DCLK1: variants seen among roughly 807,000 people sequenced by gnomAD.
DCLK1 encodes the protein doublecortin like kinase 1, also known as serine/threonine-protein kinase DCLK1.
In DCLK1, 16 loss-of-function variants were observed where a neutral mutation model predicts 86.2. The ratio of observed to expected loss-of-function variants is 0.19; its 90% confidence interval spans 0.13 to 0.28. The LOEUF is 0.28. Among genes scored for constraint, DCLK1 ranks in the 10% least tolerant of loss-of-function variants. The pLI is 1.00. For missense variants in DCLK1, 590 were observed against 940.2 expected, an observed-to-expected ratio of 0.63 and a Z score of 4.87; for synonymous variants, 369 against 370.5, an observed-to-expected ratio of 1.00 and a Z score of 0.05.
Position 36,045,370 on chromosome 13 carries a change from A to ACATATC in DCLK1, c.723+66498_723+66499insGATATG, listed in dbSNP as rs1882867278. Among the ~76,000 whole-genome samples the ACATATC allele has an allele frequency of 3.0e-5, 4 of 133,158 alleles. No individual in the cohort carries two copies. In the Admixed American group the frequency reaches 3.1e-4, roughly 10 times the overall value. The allele number at this position is 133,158 out of a possible 152,430, so 87.4% of individuals were successfully genotyped here. A position where few individuals can be genotyped will look rare whatever the true frequency, so the allele number is the denominator to read the frequency against. On this transcript the variant is annotated intron_variant, in intron 3 of 16. Transcript: ENST00000360631. ...TATATATATATATATATATATATAT[A>ACATATC]TATATATTTCAAGGTAAATTGCTAA...
intron 3 of DCLK1, among the ~76,000 whole-genome samples, chr13:36,083,719 T>G (rs530094729): frequency 6.6e-6 from 1 of 152,330 alleles, no homozygotes; most frequent in South Asian, 2.1e-4. Context: ...TTTAAAAATT[T>G]CAACAAATAT....
chr13:35,797,120 T>C (rs1480263107), intron 15 of DCLK1, among the ~76,000 whole-genome samples: 3 of 152,162 alleles, frequency 2.0e-5, no homozygotes, highest in East Asian at 1.9e-4. Flanking sequence ...CTGGGCAGCA[T>C]AGAGTTGCAC....
At chr13:35,888,690 C>T (rs575379438) in intron 4 of DCLK1, among the ~76,000 whole-genome samples, 1 of 152,296 alleles carries the variant, frequency 6.6e-6, no homozygotes, top group East Asian at 1.9e-4. Flanking sequence ...GTGGCCAAGA[C>T]GCCTGAAATC....
chr13:35,830,633 G>A (rs1250556827), intron 8 of DCLK1, among the ~76,000 whole-genome samples: 1 of 152,164 alleles, frequency 6.6e-6, no homozygotes, highest in Admixed American at 6.5e-5. Context: ...CAAATCTCAG[G>A]TTGGAATACA....
intron 2 of DCLK1, among the ~76,000 whole-genome samples, chr13:36,122,594 A>G (rs969462428): frequency 6.6e-6 from 1 of 152,144 alleles, no homozygotes; most frequent in Non-Finnish European, 1.5e-5. Flanking sequence ...ACATTTACCT[A>G]CCTACAGTAG....
intron 4 of DCLK1, among the ~76,000 whole-genome samples, chr13:35,905,853 T>G (rs1874662133): frequency 6.6e-6 from 1 of 151,536 alleles, no homozygotes; most frequent in Non-Finnish European, 1.5e-5. Context: ...AAAAAAAGAC[T>G]GCCAGGGCGA....
intron 4 of DCLK1, among the ~76,000 whole-genome samples, 167 bp from the exon 5 acceptor site, chr13:35,871,507 G>A (rs548489244): frequency 1.3e-5 from 2 of 152,182 alleles, no homozygotes; most frequent in South Asian, 4.2e-4. Context: ...AAAACAAAGA[G>A]GAAGGACAGG....
At chr13:35,829,769 G>A (rs1411427653) in intron 8 of DCLK1, among the ~76,000 whole-genome samples, 1 of 152,188 alleles carries the variant, frequency 6.6e-6, no homozygotes, top group African/African-American at 2.4e-5. Context: ...GGGCTTTGGG[G>A]TTCAGGTGGT....
At chr13:35,852,868 C>G (rs1232504180) in intron 6 of DCLK1, among the ~76,000 whole-genome samples, 1 of 152,208 alleles carries the variant, frequency 6.6e-6, no homozygotes, top group Non-Finnish European at 1.5e-5. Context: ...ATGTCAACAA[C>G]TAAGCATAAA....
At chr13:35,815,112 A>G (rs2087239182) in intron 11 of DCLK1, among the ~76,000 whole-genome samples, 3 of 152,194 alleles carry the variant, frequency 2.0e-5, no homozygotes, top group Non-Finnish European at 4.4e-5. Flanking sequence ...TATTTTGCAC[A>G]GGATTGTTTT....
intron 3 of DCLK1, among the ~76,000 whole-genome samples, chr13:36,025,719 G>A (rs1335960867): frequency 6.6e-6 from 1 of 152,152 alleles, no homozygotes; most frequent in African/African-American, 2.4e-5. Flanking sequence ...AAAATTCATG[G>A]TAAGAATGGT....
At chr13:35,946,768 C>T (rs117208665) in intron 4 of DCLK1, among the ~76,000 whole-genome samples, 1 of 152,208 alleles carries the variant, frequency 6.6e-6, no homozygotes, top group Non-Finnish European at 1.5e-5. Context: ...AAAGCCACAA[C>T]ATTTCACATT....
chr13:36,005,775 T>C (rs1232590923), intron 3 of DCLK1, among the ~76,000 whole-genome samples: 1 of 152,094 alleles, frequency 6.6e-6, no homozygotes. Flanking sequence ...GAAATGCCCA[T>C]CAATGATAGA....
chr13:36,093,891 T>C (rs1239443548), intron 3 of DCLK1, among the ~76,000 whole-genome samples: 2 of 152,124 alleles, frequency 1.3e-5, no homozygotes, highest in African/African-American at 2.4e-5. Context: ...TTTTAATTTA[T>C]ATGGCAAATA....
chr13:35,888,808 T>C (rs182914524), intron 4 of DCLK1, among the ~76,000 whole-genome samples: 3 of 152,344 alleles, frequency 2.0e-5, no homozygotes, highest in East Asian at 1.9e-4. Context: ...ATTATTTCAG[T>C]AGATAACTTG....
At chr13:35,795,677 T>C (rs2086793480) in intron 15 of DCLK1, among the ~76,000 whole-genome samples, 1 of 151,964 alleles carries the variant, frequency 6.6e-6, no homozygotes, top group African/African-American at 2.4e-5. Context: ...TCTCAGCACT[T>C]TGGGAGGCCG....
At chr13:36,017,699 C>A (rs1210937560) in intron 3 of DCLK1, among the ~76,000 whole-genome samples, 1 of 152,022 alleles carries the variant, frequency 6.6e-6, no homozygotes, top group Non-Finnish European at 1.5e-5. Flanking sequence ...TTATCAGAGC[C>A]CCCTCTTTAC....
chr13:35,920,289 TGGAGCATAGCAATGCAC>T (rs1302512501), intron 4 of DCLK1, among the ~76,000 whole-genome samples: 1 of 152,196 alleles, frequency 6.6e-6, no homozygotes, highest in Non-Finnish European at 1.5e-5. Flanking sequence ...TTGACACGTA[TGGAGCATAGCAATGCAC>T]ATAGCATCAC....
chr13:36,110,298 T>C (rs1305952922), intron 3 of DCLK1, among the ~76,000 whole-genome samples: 1 of 152,186 alleles, frequency 6.6e-6, no homozygotes, highest in Non-Finnish European at 1.5e-5. Context: ...TGGTCATTGA[T>C]AGATTTACGA....
Sources: gnomAD v4.1 joint callset for allele counts (sites outside exome capture counted in the v4.1 genomes callset) on GRCh38, gnomAD v4.1.1 for gene constraint, MANE v1.5 for transcripts, NCBI Gene and HGNC (gene_info 2026-07-23, HGNC 2026-07-21) for gene names.